The following CSRP3 variants were observed in gnomAD, a reference collection of about 807,000 sequenced individuals.
The protein encoded by CSRP3 is cysteine and glycine-rich protein 3.
Under a neutral mutation model 24.3 loss-of-function variants are expected in CSRP3, and 24 were observed. The observed-to-expected ratio is 0.99, with a 90% CI of 0.71 to 1.39. The LOEUF (loss-of-function observed/expected upper bound fraction) is 1.39. Ranked by LOEUF, CSRP3 falls within the 40% of genes most tolerant of loss-of-function variation. CSRP3 has a pLI of 0.00. For synonymous variants in CSRP3, 105 were observed against 94.0 expected (o/e 1.12, Z -0.68); for missense variants, 240 against 249.0 (o/e 0.96, Z 0.24).
chr11:19,193,511 T>C (rs926919554), intron 1 of CSRP3, among the ~76,000 whole-genome samples: 2 of 152,136 alleles, frequency 1.3e-5, no homozygotes, highest in African/African-American at 4.8e-5. Flanking sequence ...GAAAATTATT[T>C]AAAAAAATAA....
intron 1 of CSRP3, among the ~76,000 whole-genome samples, chr11:19,200,382 T>G (rs939908412): frequency 6.6e-6 from 1 of 152,224 alleles, no homozygotes; most frequent in African/African-American, 2.4e-5. Context: ...CTATCAAGAT[T>G]CTGTCTCCAC....
At chr11:19,190,213 C>A (rs1268670489) in intron 2 of CSRP3, among the ~76,000 whole-genome samples, 3 of 152,252 alleles carry the variant, frequency 2.0e-5, no homozygotes, top group Admixed American at 6.5e-5. Flanking sequence ...AGTGCTCATT[C>A]CCATCACTCC....
intron 5 of CSRP3, 27 bp downstream of exon 5, chr11:19,184,925 T>G (rs1850499849): frequency 7.7e-6 from 12 of 1,556,344 alleles, no homozygotes; most frequent in East Asian, 2.2e-5. Context: ...GAAAACATAT[T>G]TCAAGAAAGT....
chr11:19,188,420 A>T, intron 2 of CSRP3, 116 bp from the exon 3 acceptor site: 1 of 1,014,202 alleles, frequency 9.9e-7, no homozygotes, highest in Non-Finnish European at 1.5e-6. Context: ...TGAGCCAAGA[A>T]TACAATGTTG....
chr11:19,191,663 C>T (rs565353644), intron 2 of CSRP3, among the ~76,000 whole-genome samples: 26 of 152,288 alleles, frequency 1.7e-4, no homozygotes, highest in African/African-American at 6.3e-4. Context: ...TATCGAAAGT[C>T]ACGTGAGTCA....
chr11:19,186,316 C>G lies in CSRP3; in HGVS notation c.314G>C (p.Ser105Thr). Reference sequence around the variant, plus strand: ...CTTCGCAGTGAATTTGGAAGGGTTGCTGGTGGTAACTGAGCGTGCCGGCTT... The same window carrying G: ...CTTCGCAGTGAATTTGGAAGGGTTGGTGGTGGTAACTGAGCGTGCCGGCTT... ...SPKPARSVTT[S>T]NPSKFTAKFG... The change falls in exon 4 of 6, where the codon AGC becomes ACC. Residue 105 changes from serine to threonine, a missense_variant. By Grantham distance (58) the Ser-to-Thr change is moderately conservative (BLOSUM62 1). Coordinates refer to ENST00000265968, the MANE Select transcript of CSRP3 (RefSeq NM_003476.5). The G allele has an allele frequency of 6.2e-7, 1 of 1,614,164 alleles. No homozygotes were observed. The highest frequency in any genetic ancestry group is 8.5e-7 in the Non-Finnish European group (1 of 1,180,034).
At position 19,188,440 on chromosome 11, in the gene CSRP3, C is replaced by T. The variant is rs112257244; in HGVS notation, c.113-136G>A. 2.0e-4 allele frequency: 167 copies of T among 824,700 alleles called. 1 individual carries two copies. The African/African-American group carries it at 2.5e-3, about 13-fold the overall frequency. The allele number at this position is 824,700 out of a possible 1,614,324, so 51.1% of individuals were successfully genotyped here. On this transcript the variant is annotated intron_variant, in intron 2 of 5. Coordinates refer to ENST00000265968, the MANE Select transcript of CSRP3 (RefSeq NM_003476.5). ...CAAGAATACAATGTTGATTCCTGAC[C>T]AGAGTATCTGCCCTGAGTTGTGCAC...
chr11:19,188,230 C>A lies in CSRP3; in HGVS notation c.187G>T (p.Gly63Trp). ...ESEIYCKVCYGRRYGPKGIGY... is the reference protein window; with the variant it reads ...ESEIYCKVCYWRRYGPKGIGY... Reference sequence around the variant, plus strand: ...ATCCCTTTGGGGCCATATCTGCGCCCATAGCACACCTTGCAGTAGATCTCC... The same window carrying A: ...ATCCCTTTGGGGCCATATCTGCGCCAATAGCACACCTTGCAGTAGATCTCC... The change falls in exon 3 of 6, where the codon GGG (glycine) becomes TGG (tryptophan). Residue 63 changes from glycine (G) to tryptophan (W), a missense_variant. Transcript: ENST00000265968. 1 of 1,613,614 alleles carries A rather than the reference C, an allele frequency of 6.2e-7. No homozygotes were observed. The highest frequency in any genetic ancestry group is 8.5e-7 in the Non-Finnish European group (1 of 1,180,030).
At chr11:19,195,810 C>T (rs1369268496) in intron 1 of CSRP3, among the ~76,000 whole-genome samples, 1 of 152,142 alleles carries the variant, frequency 6.6e-6, no homozygotes, top group Non-Finnish European at 1.5e-5. Flanking sequence ...TGTTTTTAAG[C>T]GATCATAAAT....
intron 5 of CSRP3, among the ~76,000 whole-genome samples, chr11:19,183,166 A>AAAT (rs113201988): frequency 0.018 from 2,646 of 149,860 alleles, 197 homozygotes; most frequent in Admixed American, 0.14. Flanking sequence ...TCAAGAATAA[A>AAAT]AATAATAAAA....
Position 19,191,613 on chromosome 11 carries a change from G to A in CSRP3, c.112+724C>T, listed in dbSNP as rs138929449. Among the ~76,000 whole-genome samples, 1,044 of 152,258 alleles carry A rather than the reference G, an allele frequency of 6.9e-3. 9 individuals are homozygous for A. Among genetic ancestry groups the A allele is most frequent in the African/African-American group, 0.023 (940 of 41,542 alleles). ...AGAGGTTCATGTATAAGACTCTATCGCAGATGCACATGACCCGGGCTTAGA... is the reference window on the plus strand; with the variant it reads ...AGAGGTTCATGTATAAGACTCTATCACAGATGCACATGACCCGGGCTTAGA... On this transcript the variant is annotated intron_variant, in intron 2 of 5. Coordinates refer to ENST00000265968, the MANE Select transcript of CSRP3 (RefSeq NM_003476.5).
At chr11:19,187,036 C>T (rs964554679) in intron 3 of CSRP3, among the ~76,000 whole-genome samples, 1 of 152,158 alleles carries the variant, frequency 6.6e-6, no homozygotes, top group Admixed American at 6.5e-5. Flanking sequence ...TGTGACTGCC[C>T]AAGGCCAGGC....
At chr11:19,190,737 C>T (rs1245452444) in intron 2 of CSRP3, among the ~76,000 whole-genome samples, 1 of 152,158 alleles carries the variant, frequency 6.6e-6, no homozygotes. Context: ...ACAGAGTTGC[C>T]TGCGGACAGA....
intron 3 of CSRP3, among the ~76,000 whole-genome samples, chr11:19,187,217 T>C (rs1850541006): frequency 6.6e-6 from 1 of 152,228 alleles, no homozygotes; most frequent in South Asian, 2.1e-4. Flanking sequence ...TGAGATTGAG[T>C]AATAAGACAA....
chr11:19,188,423 C>G, intron 2 of CSRP3, 119 bp from the exon 3 acceptor site: 1 of 963,032 alleles, frequency 1.0e-6, no homozygotes, highest in Non-Finnish European at 1.6e-6. Context: ...GCCAAGAATA[C>G]AATGTTGATT....
At chr11:19,197,018 C>T (rs1216165006) in intron 1 of CSRP3, 1 of 152,190 alleles carries the variant, frequency 6.6e-6, no homozygotes, top group East Asian at 1.9e-4. Context: ...GTGGGAAAAA[C>T]ACTGGATCAG....
intron 4 of CSRP3, 57 bp downstream of exon 4, chr11:19,186,159 C>T (rs1416734200): frequency 6.2e-6 from 10 of 1,612,956 alleles, no homozygotes; most frequent in Admixed American, 5.0e-5. Flanking sequence ...TCTCATTCCT[C>T]CCAAATGGCC....
Position 19,186,321 on chromosome 11 carries a change from G to T in CSRP3, c.309C>A (p.Thr103=). ...QQSPKPARSV[T]TSNPSKFTAK... ...CAGTGAATTTGGAAGGGTTGCTGGT[G>T]GTAACTGAGCGTGCCGGCTTTGGGG... The change falls in exon 4 of 6, where the codon ACC becomes ACA. Residue 103 remains threonine, a synonymous_variant. Transcript: ENST00000265968. 6.2e-7 allele frequency: 1 copy of T among 1,614,200 alleles called. No homozygotes were observed. Among genetic ancestry groups the T allele is most frequent in the Non-Finnish European group, 8.5e-7 (1 of 1,180,032 alleles).
rs1184610308 is a variant in CSRP3, at chr11:19,192,360, A to G, written c.89T>C (p.Phe30Ser). ...AEEIQCNGRS[F>S]HKTCFHCMAC... ...ACTGCAGTGGAAACACGTCTTGTGG[A>G]AACTCCTTCCATTGCACTGGATTTC... Residue 30 changes from phenylalanine to serine, a missense_variant, in exon 2 of 6, where the codon TTC (phenylalanine) becomes TCC (serine). By Grantham distance (155) the Phe-to-Ser change is radical. Transcript: ENST00000265968. 1 of 1,614,124 alleles carries G rather than the reference A, an allele frequency of 6.2e-7. No homozygotes were observed. Among genetic ancestry groups the G allele is most frequent in the East Asian group, 2.2e-5 (1 of 44,886 alleles).
Sources: allele counts gnomAD v4.1 joint callset (sites outside exome capture counted in the v4.1 genomes callset), GRCh38; gene constraint gnomAD v4.1.1; transcripts MANE v1.5; gene names NCBI Gene and HGNC (gene_info 2026-07-23, HGNC 2026-07-21).